Variants in TTBK1 observed in about 807,000 individuals in gnomAD.
The protein encoded by TTBK1 is tau-tubulin kinase 1.
A neutral mutation model predicts 108.5 loss-of-function variants in TTBK1; 34 were observed. The ratio of observed to expected loss-of-function variants is 0.31; its 90% CI spans 0.24 to 0.42. The LOEUF (loss-of-function observed/expected upper bound fraction) is 0.42. Ranked by LOEUF, TTBK1 falls within the 10% of genes least tolerant of loss-of-function variation. The pLI is 1.00. For missense variants in TTBK1, 1,539 were observed against 1,826.0 expected (o/e 0.84, Z 2.86); for synonymous variants, 809 against 795.1 (o/e 1.02, Z -0.29).
In TTBK1 at chr6:43,283,552, C is replaced by T; in HGVS notation, c.2812C>T (p.His938Tyr). The change falls in exon 14 of 15, where the codon CAC becomes TAC. Residue 938 changes from histidine to tyrosine, a missense_variant. Transcript: ENST00000259750. The surrounding 1 kb of genome is among the most constrained non-coding windows in gnomAD (Gnocchi z 8.1). ...RTFVHIAEKT[H>Y]LNVMSSGGQA... ...CTTTGTGCACATTGCGGAGAAAACC[C>T]ACCTCAACGTCATGTCTTCCGGTGG... The T allele has an allele frequency of 1.9e-6, 3 of 1,614,150 alleles. No individual in the cohort carries two copies. The highest frequency in any genetic ancestry group is 2.5e-6 in the Non-Finnish European group (3 of 1,180,006).
Position 43,284,024 on chromosome 6 carries a change from A to G in TTBK1, c.3284A>G (p.Glu1095Gly). The G allele has an allele frequency of 6.4e-7, 1 of 1,570,828 alleles. No individual in the cohort carries two copies. The highest frequency in any genetic ancestry group is 1.7e-4 in the Middle Eastern group (1 of 5,882). The change falls in exon 14 of 15, where the codon GAG becomes GGG. Residue 1095 changes from glutamate to glycine, a missense_variant. Glu to Gly is a moderately conservative substitution (Grantham distance 98, BLOSUM62 -2). Coordinates refer to ENST00000259750, the MANE Select transcript of TTBK1 (RefSeq NM_032538.3). ...CAGGACCTGGCGCGGCTGGTGATGG[A>G]GAAGAGGCAGGGCCGCCTGCTGTTG... ...PQQDLARLVMEKRQGRLLLRL... is the reference protein window; with the variant it reads ...PQQDLARLVMGKRQGRLLLRL...
At chr6:43,248,888 A>G (rs1318836734) in intron 2 of TTBK1, among the ~76,000 whole-genome samples, 1 of 152,180 alleles carries the variant, frequency 6.6e-6, no homozygotes, top group Non-Finnish European at 1.5e-5. Context: ...AAACAATAAT[A>G]GTAATAATGA....
In TTBK1 at chr6:43,259,122, G is replaced by A. The variant is rs538135196; in HGVS notation, c.1101G>A (p.Gln367=). Residue 367 remains glutamine, a synonymous_variant, in exon 11 of 15, where the codon CAG becomes CAA. Transcript: ENST00000259750. This position sits in a 1 kb window ranked among gnomAD's most constrained non-coding sequence, Gnocchi z 6.7. ...TACAGGGAGAGCACCTGAGTGACCA[G>A]GAGAATGCACCCCCAATTCTGCCCG... ...DVLQGEHLSD[Q]ENAPPILPGR... is the part of the protein sequence containing the mutation. The A allele has an allele frequency of 6.2e-7, 1 of 1,614,130 alleles. No individual in the cohort carries two copies.
chr6:43,270,899 T>C, intron 13 of TTBK1: 1 of 985,476 alleles, frequency 1.0e-6, no homozygotes, highest in Non-Finnish European at 1.2e-6. Context: ...CCTCTGCCCT[T>C]CTCAGAAGGT....
At chr6:43,256,685 G>A (rs1391152517) in intron 9 of TTBK1, among the ~76,000 whole-genome samples, 2 of 134,864 alleles carry the variant, frequency 1.5e-5, no homozygotes, top group Non-Finnish European at 3.5e-5. Context: ...GTTGCAGTGA[G>A]CTAAGATTAA....
In TTBK1 at chr6:43,253,509, G is replaced by A. The variant is rs1777303970; in HGVS notation, c.331-59G>A. ...GTGAGGCTGGGAAGAGTATCACAAT[G>A]ATGGTGTCTGGGATGATGGCTGAGG... On this transcript the variant is annotated intron_variant, in intron 4 of 14. Coordinates refer to ENST00000259750, the MANE Select transcript of TTBK1 (RefSeq NM_032538.3). The surrounding 1 kb of genome is among the most constrained non-coding windows in gnomAD (Gnocchi z 5.8). The A allele has an allele frequency of 1.9e-6, 3 of 1,587,536 alleles. No individual in the cohort carries two copies. Among genetic ancestry groups the A allele is most frequent in the African/African-American group, 2.7e-5 (2 of 74,514 alleles).
rs912892670 is a variant in TTBK1, at chr6:43,245,329, C to T, written c.-54-1278C>T. Among the ~76,000 whole-genome samples the T allele has an allele frequency of 4.6e-5, 7 of 152,062 alleles. No individual in the cohort carries two copies. In the South Asian group the frequency reaches 6.2e-4, roughly 14 times the overall value. On this transcript the variant is annotated intron_variant, in intron 1 of 14. Coordinates refer to ENST00000259750, the MANE Select transcript of TTBK1 (RefSeq NM_032538.3). ...ACTCTCCAGGGTCGTTGTGAGGGCA[C>T]GGTAGTGTGCTTCTAAAAAGTGTGA...
intron 7 of TTBK1, 65 bp downstream of exon 7, chr6:43,255,179 C>A: frequency 1.9e-6 from 1 of 523,738 alleles, no homozygotes; most frequent in Non-Finnish European, 3.5e-6. Flanking sequence ...GTGCAGTGTG[C>A]TGCTGGGGAG....
At chr6:43,277,002 G>A (rs971123166) in intron 13 of TTBK1, among the ~76,000 whole-genome samples, 13 of 152,200 alleles carry the variant, frequency 8.5e-5, no homozygotes, top group African/African-American at 2.9e-4. Flanking sequence ...TTCCGGGTGG[G>A]GATGGAGGGT....
At position 43,269,698 on chromosome 6, in the gene TTBK1, G is replaced by A. The variant is rs892487600; in HGVS notation, c.1986+6348G>A. ...CTCCCGCGGTACAGCCCCCTGCGAC[G>A]ACTGGCGTCCTCCGTGTTCTCCTCC... On this transcript the variant is annotated intron_variant, in intron 13 of 14. Coordinates refer to ENST00000259750, the MANE Select transcript of TTBK1 (RefSeq NM_032538.3). This position sits in a 1 kb window ranked among gnomAD's most constrained non-coding sequence, Gnocchi z 4.8. 2 of 1,610,912 alleles carry A rather than the reference G, an allele frequency of 1.2e-6. No individual in the cohort carries two copies. Among genetic ancestry groups the A allele is most frequent in the Non-Finnish European group, 1.7e-6 (2 of 1,179,628 alleles).
At chr6:43,258,133 T>C (rs1221779350) in intron 10 of TTBK1, among the ~76,000 whole-genome samples, 167 bp downstream of exon 10, 1 of 152,136 alleles carries the variant, frequency 6.6e-6, no homozygotes, top group Non-Finnish European at 1.5e-5. Flanking sequence ...CCACCCTCAA[T>C]CTGAGCATAG....
chr6:43,273,285 A>T lies in TTBK1; in HGVS notation c.1987-9442A>T, dbSNP rs1203146552. 6.6e-6 allele frequency among the ~76,000 whole-genome samples: 1 copy of T among 152,142 alleles called. No homozygotes were observed. The highest frequency in any genetic ancestry group is 2.4e-5 in the African/African-American group (1 of 41,442). ...TTGCGGTGGGCCCCCTCCTCAGTCT[A>T]TAGAAAAGAGGGGAGTTGTCAGCAA... On this transcript the variant is annotated intron_variant, in intron 13 of 14. Coordinates refer to ENST00000259750, the MANE Select transcript of TTBK1 (RefSeq NM_032538.3). This position sits in a 1 kb window ranked among gnomAD's most constrained non-coding sequence, Gnocchi z 4.2.
rs369669984 is a variant in TTBK1 at position 43,263,009 on chromosome 6, G to A, written c.1645G>A (p.Glu549Lys). ...DSKEWVIIDKETELKDFPPGA... is the reference protein window; with the variant it reads ...DSKEWVIIDKKTELKDFPPGA... ...CAAAGAGTGGGTCATCATCGACAAGGAGACGGAGCTCAAGGACTTCCCTCC... is the reference window on the plus strand; with the variant it reads ...CAAAGAGTGGGTCATCATCGACAAGAAGACGGAGCTCAAGGACTTCCCTCC... The change falls in exon 13 of 15, where the codon GAG becomes AAG. Residue 549 changes from glutamate to lysine, a missense_variant. Glu to Lys is a moderately conservative substitution (Grantham distance 56). Around this residue, in one of 5 missense-constraint regions of TTBK1, gnomAD observed 1,055 missense variants for 1,086.5 expected, o/e 0.97. Transcript: ENST00000259750. This position sits in a 1 kb window ranked among gnomAD's most constrained non-coding sequence, Gnocchi z 4.7. 4 of 1,609,076 alleles carry A rather than the reference G, an allele frequency of 2.5e-6. No homozygotes were observed. Among genetic ancestry groups the A allele is most frequent in the African/African-American group, 1.3e-5 (1 of 74,852 alleles).
intron 13 of TTBK1, chr6:43,270,527 G>A (rs1562093743): frequency 1.0e-6 from 1 of 986,116 alleles, no homozygotes; most frequent in South Asian, 4.7e-5. Context: ...AATGCTCAGT[G>A]ATCGGGGGAG....
At position 43,243,579 on chromosome 6, in the gene TTBK1, C is replaced by T. The variant is rs1281049642; in HGVS notation, c.-184C>T. 1 of 152,496 alleles carries T rather than the reference C, an allele frequency of 6.6e-6. No individual in the cohort carries two copies. The highest frequency in any genetic ancestry group is 1.5e-5 in the Non-Finnish European group (1 of 67,882). The allele number at this position is 152,496 out of a possible 1,614,324, so 9.4% of individuals were successfully genotyped here. A position where few individuals can be genotyped will look rare whatever the true frequency, so the allele number is the denominator to read the frequency against. Reference sequence around the variant, plus strand: ...ATGATCCGGGTCGGAAGGCCGCCGCCGCCGGAGGGAGCGGGTCACCCAACG... The same window carrying T: ...ATGATCCGGGTCGGAAGGCCGCCGCTGCCGGAGGGAGCGGGTCACCCAACG... On this transcript the variant is annotated 5_prime_UTR_variant, in exon 1 of 15. Coordinates refer to ENST00000259750, the MANE Select transcript of TTBK1 (RefSeq NM_032538.3). The surrounding 1 kb of genome is among the most constrained non-coding windows in gnomAD (Gnocchi z 5.5).
Position 43,262,136 on chromosome 6 carries a change from C to A in TTBK1, c.1425-653C>A, listed in dbSNP as rs1370183160. ...TGGGGGTGGGCCGTAAGGGTGGAAT[C>A]TGAGATGGGGCTGGTGAGGGAAATG... is the stretch of plus-strand genomic sequence containing the variant. On this transcript the variant is annotated intron_variant, in intron 12 of 14. Coordinates refer to ENST00000259750, the MANE Select transcript of TTBK1 (RefSeq NM_032538.3). 3.9e-5 allele frequency among the ~76,000 whole-genome samples: 6 copies of A among 152,234 alleles called. No homozygotes were observed. In the East Asian group the frequency reaches 1.2e-3, roughly 29 times the overall value.
intron 1 of TTBK1, among the ~76,000 whole-genome samples, chr6:43,244,131 C>G (rs1252227343): frequency 6.6e-6 from 1 of 152,158 alleles, no homozygotes; most frequent in East Asian, 1.9e-4. Context: ...ATGGTCCTAT[C>G]TCTTCCTTGC....
chr6:43,285,243 C>T lies in TTBK1; in HGVS notation c.3833C>T (p.Pro1278Leu). Reference sequence around the variant, plus strand: ...GTCCCCCCGCCCCGGGGCGTCCCGCCGGCCCGGGCCCAGCCTGATGGCACC... The same window carrying T: ...GTCCCCCCGCCCCGGGGCGTCCCGCTGGCCCGGGCCCAGCCTGATGGCACC... ...PGVPPPRGVP[P>L]ARAQPDGTPS... The change falls in exon 15 of 15, where the codon CCG becomes CTG. Residue 1278 changes from proline (P) to leucine (L), a missense_variant. Pro to Leu is a moderately conservative substitution (Grantham distance 98). Around this residue, in one of 5 missense-constraint regions of TTBK1, gnomAD observed 1,055 missense variants for 1,086.5 expected, o/e 0.97. Coordinates refer to ENST00000259750, the MANE Select transcript of TTBK1 (RefSeq NM_032538.3). The surrounding 1 kb of genome is among the most constrained non-coding windows in gnomAD (Gnocchi z 4.7). The T allele has an allele frequency of 7.7e-7, 1 of 1,301,938 alleles. No individual in the cohort carries two copies. Among genetic ancestry groups the T allele is most frequent in the Non-Finnish European group, 9.7e-7 (1 of 1,029,818 alleles). 80.6% of individuals were successfully genotyped at this position (1,301,938 alleles called of 1,614,324 possible).
chr6:43,266,838 G>A (rs1328938136), intron 13 of TTBK1, among the ~76,000 whole-genome samples: 1 of 152,004 alleles, frequency 6.6e-6, no homozygotes, highest in Non-Finnish European at 1.5e-5. Flanking sequence ...CTGGTCTTGA[G>A]CTCCTGACCT....
Sources: allele counts gnomAD v4.1 joint callset (sites outside exome capture counted in the v4.1 genomes callset), GRCh38; gene constraint gnomAD v4.1.1; regional missense constraint gnomAD v4.1.1; non-coding constraint Gnocchi (gnomAD v3.1); transcripts MANE v1.5; gene names NCBI Gene and HGNC (gene_info 2026-07-23, HGNC 2026-07-21).